Variants in ARHGAP22 observed in about 807,000 individuals in gnomAD.
ARHGAP22 encodes Rho GTPase activating protein 22, also known as rho GTPase-activating protein 22.
In ARHGAP22, 48 loss-of-function variants were observed where a neutral mutation model predicts 59.1. That is an observed-to-expected ratio of 0.81 (90% CI 0.64 to 1.03). The LOEUF (loss-of-function observed/expected upper bound fraction) is 1.03. Ranked by LOEUF, ARHGAP22 falls within the 50% of genes least tolerant of loss-of-function variation. The pLI, the probability that ARHGAP22 is intolerant of heterozygous loss-of-function variation, is 0.00. For missense variants in ARHGAP22, 1,015 were observed against 958.7 expected (o/e 1.06, Z -0.78); for synonymous variants, 445 against 416.4 (o/e 1.07, Z -0.84).
chr10:48,578,394 T>C (rs748008480), intron 2 of ARHGAP22, among the ~76,000 whole-genome samples: 1 of 152,140 alleles, frequency 6.6e-6, no homozygotes, highest in Non-Finnish European at 1.5e-5. Flanking sequence ...TTTAAAAACA[T>C]CCTCTAGTGC....
At chr10:48,593,561 C>T (rs530898131) in intron 1 of ARHGAP22, among the ~76,000 whole-genome samples, 9 of 152,338 alleles carry the variant, frequency 5.9e-5, no homozygotes, top group South Asian at 2.1e-4. Context: ...TGTGATACAG[C>T]GACAGTGCAT....
intron 3 of ARHGAP22, among the ~76,000 whole-genome samples, chr10:48,548,101 T>A (rs1261941296): frequency 1.3e-5 from 2 of 152,186 alleles, no homozygotes; most frequent in Admixed American, 6.5e-5. Context: ...GACTTTGGGC[T>A]TTCGGCAAGT....
intron 3 of ARHGAP22, among the ~76,000 whole-genome samples, chr10:48,483,674 C>A (rs567085608): frequency 6.6e-6 from 1 of 152,002 alleles, no homozygotes; most frequent in Non-Finnish European, 1.5e-5. Context: ...TACCTCTTCA[C>A]CATTTGTATG....
At chr10:48,550,560 T>C (rs2056821750) in intron 3 of ARHGAP22, among the ~76,000 whole-genome samples, 1 of 152,238 alleles carries the variant, frequency 6.6e-6, no homozygotes, top group South Asian at 2.1e-4. Flanking sequence ...CCAGGCATGA[T>C]GGCCTCCTAG....
At chr10:48,605,360 G>C, upstream of ARHGAP22, among the ~76,000 whole-genome samples, 1 of 128,918 alleles carries the variant, frequency 7.8e-6, no homozygotes, top group African/African-American at 2.9e-5. Flanking sequence ...CCCAATCCAC[G>C]GGGACCCGCT....
rs1258618812 is a variant in ARHGAP22 at position 48,512,274 on chromosome 10, A to G, written c.323-32510T>C. Among the ~76,000 whole-genome samples, 6 of 152,246 alleles carry G rather than the reference A, an allele frequency of 3.9e-5. No individual in the cohort carries two copies. The East Asian group carries it at 9.6e-4, about 24-fold the overall frequency. Reference sequence around the variant, plus strand: ...GGCTTCTCAGTTGTGTAGTATTAACATGAAACAGATACAAGAGCGCAGGCT... The same window carrying G: ...GGCTTCTCAGTTGTGTAGTATTAACGTGAAACAGATACAAGAGCGCAGGCT... On this transcript the variant is annotated intron_variant, in intron 3 of 9. Coordinates refer to ENST00000249601, the MANE Select transcript of ARHGAP22 (RefSeq NM_021226.4).
chr10:48,635,016 A>G (rs2061759130), intron 1 of ARHGAP22, among the ~76,000 whole-genome samples: 1 of 152,152 alleles, frequency 6.6e-6, no homozygotes, highest in Non-Finnish European at 1.5e-5. Context: ...ATGGGAAAAA[A>G]TACATGTATG....
rs2045346155 is a variant in ARHGAP22 at position 48,446,326 on chromosome 10, C to T, written c.*65G>A. The T allele has an allele frequency of 2.6e-6, 4 of 1,567,116 alleles. No individual in the cohort carries two copies. The highest frequency in any genetic ancestry group is 2.7e-5 in the African/African-American group (2 of 73,476). On this transcript the variant is annotated 3_prime_UTR_variant, in exon 10 of 10. Transcript: ENST00000249601. ...CCTGGCTGCTCCAGAGATACAGACGCTTCTAACTCCATACAAGGCTGGAGA... is the reference window on the plus strand; with the variant it reads ...CCTGGCTGCTCCAGAGATACAGACGTTTCTAACTCCATACAAGGCTGGAGA...
At chr10:48,445,817 GA>G (rs1564648857), downstream of ARHGAP22, 1 of 152,328 alleles carries the variant, frequency 6.6e-6, no homozygotes, top group Admixed American at 6.3e-5. Context: ...GGGCGGGGGG[GA>G]GTAAAGAAAG....
At chr10:48,434,883 G>T in the ARHGAP22 span, 1 of 1,606,752 alleles carries the variant, frequency 6.2e-7, no homozygotes. Context: ...TCATAGCACA[G>T]GTGCAGCAGT....
chr10:48,606,862 C>T (rs1053780533), upstream of ARHGAP22, among the ~76,000 whole-genome samples: 5 of 152,196 alleles, frequency 3.3e-5, no homozygotes, highest in Admixed American at 1.3e-4. Flanking sequence ...CCCTCTTGTA[C>T]GCCCTCCCTG....
At chr10:48,557,531 G>A (rs893102603) in intron 2 of ARHGAP22, among the ~76,000 whole-genome samples, 2 of 152,200 alleles carry the variant, frequency 1.3e-5, no homozygotes, top group Non-Finnish European at 2.9e-5. Flanking sequence ...CAGAGGTCAG[G>A]AAGGTGATGC....
At chr10:48,433,472 T>C in the ARHGAP22 span, among the ~76,000 whole-genome samples, 106 of 152,288 alleles carry the variant, frequency 7.0e-4, no homozygotes, top group African/African-American at 2.4e-3. Context: ...AAATAGAATA[T>C]ACTATCTGAA....
At chr10:48,626,855 G>T (rs552481829) in intron 1 of ARHGAP22, among the ~76,000 whole-genome samples, 1 of 152,318 alleles carries the variant, frequency 6.6e-6, no homozygotes, top group African/African-American at 2.4e-5. Flanking sequence ...GGAGGTGACT[G>T]TGGGAGAGTG....
At chr10:48,439,579 T>TA in the ARHGAP22 span, among the ~76,000 whole-genome samples, 2 of 152,066 alleles carry the variant, frequency 1.3e-5, no homozygotes, top group Non-Finnish European at 2.9e-5. Flanking sequence ...AAACTTTATC[T>TA]AAAAAAGGAA....
At chr10:48,564,548 T>C (rs1363492097) in intron 2 of ARHGAP22, among the ~76,000 whole-genome samples, 1 of 152,132 alleles carries the variant, frequency 6.6e-6, no homozygotes, top group Non-Finnish European at 1.5e-5. Flanking sequence ...CAACGTAAAA[T>C]TTAAACAACG....
chr10:48,505,253 C>T (rs1260181343), intron 3 of ARHGAP22, among the ~76,000 whole-genome samples: 2 of 152,120 alleles, frequency 1.3e-5, no homozygotes, highest in African/African-American at 4.8e-5. Flanking sequence ...TGAGGTTTCA[C>T]CATATTGGCC....
At chr10:48,484,409 A>T (rs1450002196) in intron 3 of ARHGAP22, among the ~76,000 whole-genome samples, 3 of 152,200 alleles carry the variant, frequency 2.0e-5, no homozygotes, top group Non-Finnish European at 1.5e-5. Context: ...AAATTTTGTT[A>T]AAAATATTTT....
intron 3 of ARHGAP22, chr10:48,523,914 A>G: frequency 1.7e-6 from 1 of 583,822 alleles, no homozygotes; most frequent in Non-Finnish European, 2.5e-6. Context: ...TCAGAGGAGC[A>G]GCAGCCGCAC....
Sources: allele counts gnomAD v4.1 joint callset (sites outside exome capture counted in the v4.1 genomes callset), GRCh38; gene constraint gnomAD v4.1.1; transcripts MANE v1.5; gene names NCBI Gene and HGNC (gene_info 2026-07-23, HGNC 2026-07-21).